CUL4A: variants seen among roughly 807,000 people sequenced by gnomAD.
CUL4A encodes cullin-4A.
In CUL4A, 16 loss-of-function variants were observed where a neutral mutation model predicts 95.5. The ratio of observed to expected loss-of-function variants is 0.17; its 90% CI spans 0.11 to 0.25. The LOEUF (loss-of-function observed/expected upper bound fraction) is 0.25, where lower values mean the gene tolerates loss of function less well. CUL4A is among the 10% of genes least tolerant of loss of function. CUL4A has a pLI of 1.00. For missense variants in CUL4A, 610 were observed against 937.0 expected (o/e 0.65, Z 4.56); for synonymous variants, 380 against 353.1 (o/e 1.08, Z -0.85).
At chr13:113,260,829 A>G (rs1035602670) in intron 19 of CUL4A, 70 bp downstream of exon 19, 16 of 1,164,590 alleles carry the variant, frequency 1.4e-5, no homozygotes, top group Admixed American at 9.5e-5. Context: ...GTTTAATTCT[A>G]TGTTCAGTCA....
rs1405024867 is a variant in CUL4A, at chr13:113,233,423, C to A, written c.675+84C>A. The A allele has an allele frequency of 3.1e-6, 4 of 1,303,414 alleles. No homozygotes were observed. The East Asian group carries it at 7.0e-5, about 23-fold the overall frequency. 80.7% of individuals were successfully genotyped at this position (1,303,414 alleles called of 1,614,324 possible). On this transcript the variant is annotated intron_variant, in intron 6 of 19. Coordinates refer to ENST00000375440, the MANE Select transcript of CUL4A (RefSeq NM_001008895.4). ...AAATGGTTGTACCAAAGATGTTAAA[C>A]AATGAAATCATAAAGGCATTTGTTG...
At chr13:113,255,201 C>A in intron 18 of CUL4A, 76 bp downstream of exon 18, 1 of 1,090,076 alleles carries the variant, frequency 9.2e-7, no homozygotes, top group Non-Finnish European at 1.3e-6. Flanking sequence ...ATGTTTTTGG[C>A]TGTTAGAGGC....
chr13:113,232,744 G>T (rs1477400158), intron 5 of CUL4A, among the ~76,000 whole-genome samples: 1 of 152,192 alleles, frequency 6.6e-6, no homozygotes, highest in Non-Finnish European at 1.5e-5. Flanking sequence ...AAGCTGCTGG[G>T]ACGTGCTCAG....
intron 3 of CUL4A, chr13:113,219,359 A>G (rs558338046): frequency 1.5e-4 from 35 of 241,376 alleles, no homozygotes; most frequent in African/African-American, 7.8e-4. Context: ...GATAGGCAAC[A>G]AAGTCCCATC....
At chr13:113,244,379 TAGAG>T in intron 11 of CUL4A, 27 bp from the exon 12 acceptor site, 1 of 1,496,460 alleles carries the variant, frequency 6.7e-7, no homozygotes. Context: ...TTTTCTAGTT[TAGAG>T]TATTTACTAT....
At chr13:113,240,960 T>C (rs938289968) in intron 10 of CUL4A, among the ~76,000 whole-genome samples, 18 of 152,324 alleles carry the variant, frequency 1.2e-4, no homozygotes, top group Admixed American at 4.6e-4. Context: ...TTTACTATTA[T>C]GCAAATCTGT....
rs530579872 is a variant in CUL4A at position 113,209,989 on chromosome 13, C to T, written c.165C>T (p.Pro55=). The change falls in exon 2 of 20, where the codon CCC becomes CCT. Residue 55 remains proline, a synonymous_variant. Transcript: ENST00000375440. ...GCCCTGCAGACAGACCTCGGCTGCC[C>T]GACAACTACACGCAGGACACGTGGC... The part of the protein sequence containing the change: ...IKNFRDRPRL[P]DNYTQDTWRK... The T allele has an allele frequency of 2.0e-6, 3 of 1,515,232 alleles. No homozygotes were observed. Among genetic ancestry groups the T allele is most frequent in the African/African-American group, 2.9e-5 (2 of 68,918 alleles). 93.9% of individuals were successfully genotyped at this position (1,515,232 alleles called of 1,614,324 possible).
chr13:113,218,837 G>A lies in CUL4A; in HGVS notation c.265-108G>A, dbSNP rs996046452. On this transcript the variant is annotated intron_variant, in intron 2 of 19. Coordinates refer to ENST00000375440, the MANE Select transcript of CUL4A (RefSeq NM_001008895.4). ...TAGATTCCTGAAGTACTGGGGTAGGGTGTGGGGTGCCTTTTTCTTATGATT... is the reference window on the plus strand; with the variant it reads ...TAGATTCCTGAAGTACTGGGGTAGGATGTGGGGTGCCTTTTTCTTATGATT... 6.0e-6 allele frequency: 4 copies of A among 667,008 alleles called. No individual in the cohort carries two copies. The African/African-American group carries it at 7.3e-5, about 12-fold the overall frequency. 41.3% of individuals were successfully genotyped at this position (667,008 alleles called of 1,614,324 possible).
At chr13:113,252,147 C>T (rs137872515) in intron 15 of CUL4A, among the ~76,000 whole-genome samples, 23 of 152,256 alleles carry the variant, frequency 1.5e-4, no homozygotes, top group Admixed American at 9.8e-4. Flanking sequence ...CCGGAAAACA[C>T]GAGCAGGATC....
At chr13:113,238,410 G>A (rs1171551710) in intron 9 of CUL4A, among the ~76,000 whole-genome samples, 1 of 151,636 alleles carries the variant, frequency 6.6e-6, no homozygotes, top group Non-Finnish European at 1.5e-5. Flanking sequence ...AAAAACCTGG[G>A]TGACAAAGCA....
intron 9 of CUL4A, 119 bp from the exon 10 acceptor site, chr13:113,239,314 G>C: frequency 1.2e-6 from 1 of 846,746 alleles, no homozygotes; most frequent in Non-Finnish European, 2.0e-6. Flanking sequence ...CAGCGATGTG[G>C]AGACCCGCCC....
intron 15 of CUL4A, among the ~76,000 whole-genome samples, chr13:113,252,761 T>C (rs566513494): frequency 2.6e-5 from 4 of 152,304 alleles, no homozygotes; most frequent in African/African-American, 9.6e-5. Flanking sequence ...GGATCTGGCC[T>C]CAGACACCTT....
intron 3 of CUL4A, among the ~76,000 whole-genome samples, chr13:113,221,630 G>C (rs1260854553): frequency 6.6e-6 from 1 of 152,120 alleles, no homozygotes; most frequent in African/African-American, 2.4e-5. Context: ...CCAGGCTAGA[G>C]TGCAGTGGCA....
At chr13:113,238,080 A>T (rs754455438) in intron 9 of CUL4A, among the ~76,000 whole-genome samples, 2 of 152,142 alleles carry the variant, frequency 1.3e-5, no homozygotes, top group Admixed American at 6.5e-5. Flanking sequence ...CACATCACCT[A>T]TCCACCTAAA....
Position 113,263,478 on chromosome 13 carries a change from C to CT in CUL4A, c.2185-3dup. 1 of 1,578,740 alleles carries CT rather than the reference C, an allele frequency of 6.3e-7. No individual in the cohort carries two copies. Among genetic ancestry groups the CT allele is most frequent in the Admixed American group, 1.8e-5 (1 of 55,106 alleles). ...TTGTAATTAGGGGGGTTTTATTCTT[C>CT]TTTTTTAGCCTGGAGATTTGAAAAA... On this transcript the variant is annotated splice_polypyrimidine_tract_variant and intron_variant, in intron 19 of 19. Coordinates refer to ENST00000375440, the MANE Select transcript of CUL4A (RefSeq NM_001008895.4).
upstream of CUL4A, chr13:113,208,675 A>G (rs746057645): frequency 1.3e-5 from 20 of 1,585,846 alleles, no homozygotes; most frequent in Non-Finnish European, 1.5e-5. Context: ...CCTACGCCTC[A>G]AGCGGGCCAG....
chr13:113,236,178 G>A (rs766012295), intron 8 of CUL4A, among the ~76,000 whole-genome samples: 5 of 152,034 alleles, frequency 3.3e-5, no homozygotes, highest in Non-Finnish European at 7.4e-5. Context: ...AAACAGAGAG[G>A]GTGCAGAAAA....
rs1295536478 is a variant in CUL4A at position 113,264,139 on chromosome 13, T to C, written c.*557T>C. The stretch of plus-strand genomic sequence containing the variant: ...CACTGGCCCCTCTCTGTTTCATGTA[T>C]TTCCAAAAGTTGTAAACTTTGATGG... On this transcript the variant is annotated 3_prime_UTR_variant, in exon 20 of 20. Coordinates refer to ENST00000375440, the MANE Select transcript of CUL4A (RefSeq NM_001008895.4). The C allele has an allele frequency of 6.6e-6, 1 of 152,232 alleles. No homozygotes were observed. Among genetic ancestry groups the C allele is most frequent in the Non-Finnish European group, 1.5e-5 (1 of 68,040 alleles). 9.4% of individuals were successfully genotyped at this position (152,232 alleles called of 1,614,324 possible).
intron 2 of CUL4A, among the ~76,000 whole-genome samples, chr13:113,216,176 C>T (rs1329067114): frequency 1.3e-5 from 2 of 150,336 alleles, no homozygotes; most frequent in African/African-American, 4.9e-5. Flanking sequence ...ATGGAGGTCA[C>T]GTCCCATGTG....
Sources: gnomAD v4.1 joint callset for allele counts (sites outside exome capture counted in the v4.1 genomes callset) on GRCh38, gnomAD v4.1.1 for gene constraint, MANE v1.5 for transcripts, NCBI Gene and HGNC (gene_info 2026-07-23, HGNC 2026-07-21) for gene names.